GRIN2C: variants seen among roughly 807,000 people sequenced by gnomAD.
GRIN2C encodes glutamate receptor ionotropic, NMDA 2C.
In GRIN2C, 64 loss-of-function variants were observed where a neutral mutation model predicts 77.7. That is an observed-to-expected ratio of 0.82 (90% CI 0.67 to 1.01). The LOEUF is 1.01. Ranked by LOEUF, GRIN2C falls within the 50% of genes least tolerant of loss-of-function variation. The pLI is 0.00. For missense variants in GRIN2C, 1,549 were observed against 1,486.0 expected, an observed-to-expected ratio of 1.04 and a Z score of -0.70; for synonymous variants, 792 against 643.4, an observed-to-expected ratio of 1.23 and a Z score of -3.49.
intron 1 of GRIN2C, among the ~76,000 whole-genome samples, chr17:74,858,089 G>A (rs566935885): frequency 2.6e-5 from 4 of 152,200 alleles, no homozygotes; most frequent in Admixed American, 6.5e-5. Context: ...GGCAGAATAA[G>A]CAGTCTGCCA....
chr17:74,852,778 C>G lies in GRIN2C; in HGVS notation c.400-167G>C, dbSNP rs546595836. On this transcript the variant is annotated intron_variant, in intron 2 of 12. Transcript: ENST00000293190. Reference sequence around the variant, plus strand: ...CTCCCTCCCGCCCCAATGTGGTTCCCCGCTGCCTAGTAGCATGGTCATGCC... The same window carrying G: ...CTCCCTCCCGCCCCAATGTGGTTCCGCGCTGCCTAGTAGCATGGTCATGCC... 1,236 of 463,180 alleles carry G rather than the reference C, an allele frequency of 2.7e-3. 14 individuals carry two copies. The Middle Eastern group carries it at 0.028, about 11-fold the overall frequency. The allele number at this position is 463,180 out of a possible 1,614,324, so 28.7% of individuals were successfully genotyped here.
rs1254346465 is a variant in GRIN2C, at chr17:74,844,636, A to C, written c.2351-128T>G. On this transcript the variant is annotated intron_variant, in intron 11 of 12. Coordinates refer to ENST00000293190, the MANE Select transcript of GRIN2C (RefSeq NM_000835.6). Reference sequence around the variant, plus strand: ...GGTGCCACCCACTTCTTCCTCAAGCAGACCACATGGGGATCCAGCCTGGCT... The same window carrying C: ...GGTGCCACCCACTTCTTCCTCAAGCCGACCACATGGGGATCCAGCCTGGCT... 2.3e-5 allele frequency: 33 copies of C among 1,454,834 alleles called. 1 individual carries two copies. The highest frequency in any genetic ancestry group is 1.5e-4 in the Admixed American group (6 of 41,268). 90.1% of individuals were successfully genotyped at this position (1,454,834 alleles called of 1,614,324 possible).
rs534207027 is a variant in GRIN2C, at chr17:74,847,169, C to T, written c.2001+139G>A. The T allele has an allele frequency of 1.0e-5, 8 of 762,064 alleles. No individual in the cohort carries two copies. Among genetic ancestry groups the T allele is most frequent in the Non-Finnish European group, 1.7e-5 (8 of 470,044 alleles). The allele number at this position is 762,064 out of a possible 1,614,324, so 47.2% of individuals were successfully genotyped here. On this transcript the variant is annotated intron_variant, in intron 9 of 12. Coordinates refer to ENST00000293190, the MANE Select transcript of GRIN2C (RefSeq NM_000835.6). This position sits in a 1 kb window ranked among gnomAD's most constrained non-coding sequence, Gnocchi z 5.2. ...CTCTTGCCCCAGCCCCCAACCCCTT[C>T]TCAGCAGGCCCTGAAGCTTCTTCCT... is the stretch of plus-strand genomic sequence containing the variant.
At chr17:74,851,386 G>A in intron 4 of GRIN2C, 191 bp downstream of exon 4, 1 of 573,860 alleles carries the variant, frequency 1.7e-6, no homozygotes. Context: ...TGGGAGCCCA[G>A]AGCAGGGCAC....
chr17:74,843,197 G>T lies in GRIN2C; in HGVS notation c.2940C>A (p.Arg980=), dbSNP rs1398833125. The change falls in exon 13 of 13, where the codon CGC becomes CGA. Residue 980 remains arginine (R), a synonymous_variant. Coordinates refer to ENST00000293190, the MANE Select transcript of GRIN2C (RefSeq NM_000835.6). ...LVRRAPQPPG[R]PPTPGPPLSD... is the part of the protein sequence containing the mutation. The stretch of plus-strand genomic sequence containing the variant: ...ACAGGGGCGGCCCCGGCGTCGGGGG[G>T]CGGCCCGGGGGCTGCGGAGCCCTGC... 1 of 432,428 alleles carries T rather than the reference G, an allele frequency of 2.3e-6. No homozygotes were observed. The highest frequency in any genetic ancestry group is 3.9e-6 in the Non-Finnish European group (1 of 258,368). The allele number at this position is 432,428 out of a possible 1,614,324, so 26.8% of individuals were successfully genotyped here.
intron 2 of GRIN2C, 59 bp from the exon 3 acceptor site, chr17:74,852,670 C>T: frequency 2.6e-6 from 2 of 768,116 alleles, no homozygotes; most frequent in Non-Finnish European, 3.7e-6. Context: ...CCCGCCCCTT[C>T]CCCGACCTCG....
intron 1 of GRIN2C, among the ~76,000 whole-genome samples, chr17:74,856,974 G>A (rs915756744): frequency 2.0e-5 from 3 of 152,136 alleles, no homozygotes; most frequent in Admixed American, 1.3e-4. Context: ...CAACTTTAGT[G>A]TAGAAACATC....
chr17:74,848,433 G>A lies in GRIN2C; in HGVS notation c.1646-456C>T, dbSNP rs139303349. ...CTAGAGTAAGAAATCACTACTGCTG[G>A]CTGGGCTTGGTGGCTCTCGCCTGTA... On this transcript the variant is annotated intron_variant, in intron 7 of 12. Transcript: ENST00000293190. 2.3e-3 allele frequency among the ~76,000 whole-genome samples: 356 copies of A among 152,346 alleles called. 4 individuals carry two copies. The highest frequency in any genetic ancestry group is 0.02 in the South Asian group (96 of 4,824).
chr17:74,843,212 C>T lies in GRIN2C; in HGVS notation c.2925G>A (p.Pro975=). ...GGRAALVRRA[P]QPPGRPPTPG... is the part of the protein sequence containing the mutation. Reference sequence around the variant, plus strand: ...GCGTCGGGGGGCGGCCCGGGGGCTGCGGAGCCCTGCGCACAAGCGCCGCGC... The same window carrying T: ...GCGTCGGGGGGCGGCCCGGGGGCTGTGGAGCCCTGCGCACAAGCGCCGCGC... The change falls in exon 13 of 13, where the codon CCG becomes CCA. Residue 975 remains proline (P), a synonymous_variant. Coordinates refer to ENST00000293190, the MANE Select transcript of GRIN2C (RefSeq NM_000835.6). 2 of 488,872 alleles carry T rather than the reference C, an allele frequency of 4.1e-6. No homozygotes were observed. The highest frequency in any genetic ancestry group is 6.6e-6 in the Non-Finnish European group (2 of 302,614). 30.3% of individuals were successfully genotyped at this position (488,872 alleles called of 1,614,324 possible). A position where few individuals can be genotyped will look rare whatever the true frequency, so the allele number is the denominator to read the frequency against.
chr17:74,842,527 G>C lies in GRIN2C; in HGVS notation c.3610C>G (p.Leu1204Val), dbSNP rs144474499. Residue 1204 changes from leucine to valine, a missense_variant, in exon 13 of 13, where the codon CTG becomes GTG. By Grantham distance (32) the Leu-to-Val change is conservative. Transcript: ENST00000293190. Reference sequence around the variant, plus strand: ...CGGGCTACCCTGCTGATCTCGTCCAGTCCCCCACTGTCTCTGTAGCCTGTG... The same window carrying C: ...CGGGCTACCCTGCTGATCTCGTCCACTCCCCCACTGTCTCTGTAGCCTGTG... ...LGTGYRDSGG[L>V]DEISRVARGT... 133 of 778,912 alleles carry C rather than the reference G, an allele frequency of 1.7e-4. 2 individuals carry two copies. In the African/African-American group the frequency reaches 2.1e-3, roughly 12 times the overall value. The allele number at this position is 778,912 out of a possible 1,614,324, so 48.3% of individuals were successfully genotyped here.
intron 11 of GRIN2C, among the ~76,000 whole-genome samples, chr17:74,845,569 C>T (rs1307868108): frequency 6.6e-6 from 1 of 152,160 alleles, no homozygotes; most frequent in African/African-American, 2.4e-5. Context: ...CACACCCAGT[C>T]TAGACCATGT....
In GRIN2C at chr17:74,850,919, C is replaced by G. The variant is rs765979929; in HGVS notation, c.1114-152G>C. 7.7e-6 allele frequency: 5 copies of G among 651,420 alleles called. No homozygotes were observed. The highest frequency in any genetic ancestry group is 5.4e-5 in the African/African-American group (3 of 55,380). 40.4% of individuals were successfully genotyped at this position (651,420 alleles called of 1,614,324 possible). On this transcript the variant is annotated intron_variant, in intron 4 of 12. Transcript: ENST00000293190. The surrounding 1 kb of genome is among the most constrained non-coding windows in gnomAD (Gnocchi z 5.3). Reference sequence around the variant, plus strand: ...TGCTCCCAACAGCCTCCCCCAGCCTCGGGTCCCTGTGTTCATACAGCTCCA... The same window carrying G: ...TGCTCCCAACAGCCTCCCCCAGCCTGGGGTCCCTGTGTTCATACAGCTCCA...
At chr17:74,844,022 C>A (rs2037383124) in intron 12 of GRIN2C, 2 of 677,080 alleles carry the variant, frequency 3.0e-6, no homozygotes, top group East Asian at 5.8e-5. Flanking sequence ...TGCAGGCGCG[C>A]ACCACCACGC....
chr17:74,846,467 A>C lies in GRIN2C; in HGVS notation c.2163-214T>G, dbSNP rs943320881. On this transcript the variant is annotated intron_variant, in intron 10 of 12. Transcript: ENST00000293190. This position sits in a 1 kb window ranked among gnomAD's most constrained non-coding sequence, Gnocchi z 4.4. The stretch of plus-strand genomic sequence containing the variant: ...AGTGGCCAGGGGACTGTCTGTTCCC[A>C]GAAGACACACCACCCTTTCTGCCCA... Among the ~76,000 whole-genome samples, 11 of 152,170 alleles carry C rather than the reference A, an allele frequency of 7.2e-5. No homozygotes were observed. Among genetic ancestry groups the C allele is most frequent in the Non-Finnish European group, 1.5e-4 (10 of 68,032 alleles).
rs369752254 is a variant in GRIN2C at position 74,855,064 on chromosome 17, A to G, written c.29T>C (p.Leu10Ser). The part of the protein sequence containing the change: MGGALGPAL[L>S]LTSLFGAWAG... ...CCAGGCACCGAAGAGCGAGGTGAGCAACAGGGCCGGCCCCAGGGCCCCACC... is the reference window on the plus strand; with the variant it reads ...CCAGGCACCGAAGAGCGAGGTGAGCGACAGGGCCGGCCCCAGGGCCCCACC... Residue 10 changes from leucine to serine, a missense_variant, in exon 2 of 13, where the codon TTG becomes TCG. Physicochemically the swap from Leu to Ser is moderately radical, Grantham distance 145. Around this residue, in one of 3 missense-constraint regions of GRIN2C, gnomAD observed 382 missense variants for 360.0 expected, o/e 1.06. Transcript: ENST00000293190. 6.3e-7 allele frequency: 1 copy of G among 1,594,600 alleles called. No homozygotes were observed. The highest frequency in any genetic ancestry group is 1.3e-5 in the African/African-American group (1 of 74,818).
rs367862533 is a variant in GRIN2C, at chr17:74,847,482, C to T, written c.1827G>A (p.Leu609=). Reference sequence around the variant, plus strand: ...CGATGGGCACTGAGTTGTTGAAGACCAGCGCCCACAGCAGCCACACGGACT... The same window carrying T: ...CGATGGGCACTGAGTTGTTGAAGACTAGCGCCCACAGCAGCCACACGGACT... The part of the protein sequence containing the change: ...IGKSVWLLWA[L]VFNNSVPIEN... The change falls in exon 9 of 13, where the codon CTG becomes CTA. Residue 609 remains leucine, a synonymous_variant. Coordinates refer to ENST00000293190, the MANE Select transcript of GRIN2C (RefSeq NM_000835.6). This position sits in a 1 kb window ranked among gnomAD's most constrained non-coding sequence, Gnocchi z 5.2. The T allele has an allele frequency of 6.2e-7, 1 of 1,613,918 alleles. No individual in the cohort carries two copies. Among genetic ancestry groups the T allele is most frequent in the Admixed American group, 1.7e-5 (1 of 60,008 alleles).
intron 2 of GRIN2C, chr17:74,852,972 C>G (rs919892967): frequency 9.3e-6 from 2 of 215,378 alleles, no homozygotes; most frequent in African/African-American, 4.6e-5. Context: ...ATCCTTGAGC[C>G]CGCTAGACTG....
At chr17:74,844,094 A>G (rs1459523974) in intron 12 of GRIN2C, 182 bp downstream of exon 12, 6 of 1,283,916 alleles carry the variant, frequency 4.7e-6, no homozygotes, top group Non-Finnish European at 6.2e-6. Context: ...GGCTGGTCTC[A>G]AACTTCTGGA....
At position 74,850,737 on chromosome 17, in the gene GRIN2C, T is replaced by C. The variant is rs1325266182; in HGVS notation, c.1144A>G (p.Met382Val). Reference protein sequence around the residue: ...VGRWEHGVLYMKYPVWPRYSA... With the variant: ...VGRWEHGVLYVKYPVWPRYSA... ...TAGCGAGGCCACACGGGGTACTTCA[T>C]GTATAGGACGCCATGCTCCCAGCGC... The change falls in exon 5 of 13, where the codon ATG becomes GTG. Residue 382 changes from methionine (M) to valine (V), a missense_variant. Physicochemically the swap from Met to Val is conservative, Grantham distance 21 (BLOSUM62 1). Coordinates refer to ENST00000293190, the MANE Select transcript of GRIN2C (RefSeq NM_000835.6). The surrounding 1 kb of genome is among the most constrained non-coding windows in gnomAD (Gnocchi z 5.3). The C allele has an allele frequency of 6.2e-7, 1 of 1,613,244 alleles. No homozygotes were observed. The highest frequency in any genetic ancestry group is 8.5e-7 in the Non-Finnish European group (1 of 1,179,954).
Sources: gnomAD v4.1 joint callset for allele counts (sites outside exome capture counted in the v4.1 genomes callset) on GRCh38, gnomAD v4.1.1 for gene constraint, gnomAD v4.1.1 regional missense constraint, Gnocchi (gnomAD v3.1) non-coding constraint, MANE v1.5 for transcripts, NCBI Gene and HGNC (gene_info 2026-07-23, HGNC 2026-07-21) for gene names.